Variants in LPP observed in about 807,000 individuals in gnomAD.
LPP encodes the protein LIM domain containing preferred translocation partner in lipoma, also known as lipoma-preferred partner.
LPP carries 38 observed loss-of-function variants against 60.4 expected under a neutral mutation model. The observed-to-expected ratio is 0.63, with a 90% confidence interval of 0.49 to 0.83. The LOEUF (loss-of-function observed/expected upper bound fraction) is 0.83, where lower values mean the gene tolerates loss of function less well. Ranked by LOEUF, LPP falls within the 40% of genes least tolerant of loss-of-function variation. The pLI is 0.00. For synonymous variants in LPP, 328 were observed against 290.8 expected (o/e 1.13, Z -1.30); for missense variants, 902 against 783.6 (o/e 1.15, Z -1.80).
intron 2 of LPP, among the ~76,000 whole-genome samples, chr3:188,236,154 A>T (rs920838603): frequency 2.6e-5 from 4 of 152,214 alleles, no homozygotes; most frequent in African/African-American, 7.2e-5. Flanking sequence ...TTGGTGCAAA[A>T]GTAATTGTGA....
chr3:188,855,179 A>AT (rs1763534017), intron 9 of LPP, among the ~76,000 whole-genome samples: 1 of 152,172 alleles, frequency 6.6e-6, no homozygotes, highest in African/African-American at 2.4e-5. Flanking sequence ...ATGTAGCACT[A>AT]TTTTTTCTTT....
At chr3:188,341,126 C>G (rs938233879) in intron 2 of LPP, among the ~76,000 whole-genome samples, 1 of 152,136 alleles carries the variant, frequency 6.6e-6, no homozygotes, top group African/African-American at 2.4e-5. Context: ...TCATTTCAAT[C>G]AAATAGCTGG....
intron 2 of LPP, among the ~76,000 whole-genome samples, chr3:188,318,334 T>G (rs1434271176): frequency 1.3e-5 from 2 of 151,902 alleles, no homozygotes; most frequent in East Asian, 3.9e-4. Context: ...TGAAAAGTGT[T>G]GGGCTCCATG....
intron 1 of LPP, among the ~76,000 whole-genome samples, chr3:188,160,559 G>A (rs971826702): frequency 1.3e-5 from 2 of 152,152 alleles, no homozygotes; most frequent in African/African-American, 2.4e-5. Context: ...CAGCCTTTCT[G>A]TCTCTGCCTG....
chr3:188,586,798 G>A (rs1455091115), intron 6 of LPP, among the ~76,000 whole-genome samples: 1 of 150,310 alleles, frequency 6.7e-6, no homozygotes, highest in Non-Finnish European at 1.5e-5. Flanking sequence ...CCCGATCTTG[G>A]CTCACTGCAA....
chr3:188,510,881 C>G (rs1223720396), intron 5 of LPP, among the ~76,000 whole-genome samples: 3 of 151,674 alleles, frequency 2.0e-5, no homozygotes, highest in Non-Finnish European at 4.4e-5. Context: ...TACTTTCTCT[C>G]TTTCCTCTCT....
intron 2 of LPP, among the ~76,000 whole-genome samples, chr3:188,322,212 A>G (rs1390779397): frequency 6.6e-6 from 1 of 152,230 alleles, no homozygotes; most frequent in African/African-American, 2.4e-5. Flanking sequence ...AGGCAAGTTT[A>G]AGCTTGGACT....
At chr3:188,195,237 C>T (rs1004230427) in intron 1 of LPP, among the ~76,000 whole-genome samples, 2 of 149,696 alleles carry the variant, frequency 1.3e-5, no homozygotes, top group Admixed American at 6.7e-5. Flanking sequence ...CCAGCCTGGG[C>T]GACAAGAGCG....
At chr3:188,195,811 T>A in intron 1 of LPP, among the ~76,000 whole-genome samples, 1 of 152,214 alleles carries the variant, frequency 6.6e-6, no homozygotes. Flanking sequence ...CTGCAGGAAA[T>A]TAACAATTTC....
chr3:188,492,145 T>TA lies in LPP; in HGVS notation c.306+7443dup, dbSNP rs894882339. Among the ~76,000 whole-genome samples, 9 of 152,210 alleles carry TA rather than the reference T, an allele frequency of 5.9e-5. 1 individual carries two copies. Among genetic ancestry groups the TA allele is most frequent in the Admixed American group, 5.2e-4 (8 of 15,286 alleles). On this transcript the variant is annotated intron_variant, in intron 5 of 11. Transcript: ENST00000617246. Reference sequence around the variant, plus strand: ...TGGTTAGTTCTGTTGAATGTAGGGATAACCAATGAGGTTAGCTTTGCCTTA... The same window carrying TA: ...TGGTTAGTTCTGTTGAATGTAGGGATAAACCAATGAGGTTAGCTTTGCCTTA...
intron 1 of LPP, among the ~76,000 whole-genome samples, chr3:188,170,643 G>C (rs769892420): frequency 6.4e-5 from 9 of 141,192 alleles, no homozygotes; most frequent in Non-Finnish European, 1.1e-4. Context: ...GGGAGTCTCA[G>C]CTTCTTCATC....
At chr3:188,175,799 A>C (rs1213769849) in intron 1 of LPP, among the ~76,000 whole-genome samples, 3 of 152,198 alleles carry the variant, frequency 2.0e-5, no homozygotes, top group Non-Finnish European at 2.9e-5. Flanking sequence ...GGATAGTACC[A>C]GGATGCCACT....
At chr3:188,305,599 A>G (rs1236154828) in intron 2 of LPP, among the ~76,000 whole-genome samples, 4 of 152,168 alleles carry the variant, frequency 2.6e-5, no homozygotes, top group Non-Finnish European at 4.4e-5. Context: ...ACACACAAAC[A>G]CACAGATACA....
intron 2 of LPP, among the ~76,000 whole-genome samples, chr3:188,292,908 C>A (rs1437870352): frequency 6.6e-6 from 1 of 152,064 alleles, no homozygotes; most frequent in Non-Finnish European, 1.5e-5. Flanking sequence ...GATTTATGCC[C>A]CCAGTAAGGA....
At chr3:188,564,432 A>G (rs1831597664) in intron 6 of LPP, among the ~76,000 whole-genome samples, 1 of 151,122 alleles carries the variant, frequency 6.6e-6, no homozygotes, top group Non-Finnish European at 1.5e-5. Context: ...CACAAAATAA[A>G]CTCTCTCCCC....
chr3:188,478,505 G>A (rs1579209705), intron 4 of LPP, among the ~76,000 whole-genome samples: 1 of 151,690 alleles, frequency 6.6e-6, no homozygotes, highest in African/African-American at 2.4e-5. Context: ...TTTAATCTAG[G>A]TTGTGGTCAA....
intron 1 of LPP, among the ~76,000 whole-genome samples, chr3:188,213,961 A>AACACACACACACAC (rs59389556): frequency 0.016 from 2,098 of 130,364 alleles, 47 homozygotes; most frequent in East Asian, 0.04. Context: ...TTAGATTTTA[A>AACACACACACACAC]ACACACACAC....
chr3:188,813,944 C>T (rs6800568), intron 9 of LPP, among the ~76,000 whole-genome samples: 4,778 of 152,076 alleles, frequency 0.031, 242 homozygotes, highest in African/African-American at 0.11. Context: ...TGGTGGTGCA[C>T]GCCTGTAATC....
intron 7 of LPP, among the ~76,000 whole-genome samples, chr3:188,667,190 A>T (rs1405053004): frequency 6.6e-6 from 1 of 152,090 alleles, no homozygotes; most frequent in African/African-American, 2.4e-5. Flanking sequence ...AATCTTCGGT[A>T]GGAGTTGGCT....
Sources: allele counts gnomAD v4.1 joint callset (sites outside exome capture counted in the v4.1 genomes callset), GRCh38; gene constraint gnomAD v4.1.1; transcripts MANE v1.5; gene names NCBI Gene and HGNC (gene_info 2026-07-23, HGNC 2026-07-21).